CAMKK2: variants seen among roughly 807,000 people sequenced by gnomAD.
The protein encoded by CAMKK2 is calcium/calmodulin-dependent protein kinase kinase 2.
CAMKK2 carries 30 observed loss-of-function variants against 67.2 expected under a neutral mutation model. The observed-to-expected ratio is 0.45, with a 90% CI of 0.33 to 0.61. The LOEUF (loss-of-function observed/expected upper bound fraction) is 0.61. Among genes scored for constraint, CAMKK2 ranks in the 20% least tolerant of loss-of-function variants. The pLI is 0.02. For missense variants in CAMKK2, 643 were observed against 802.0 expected (o/e 0.80, Z 2.39); for synonymous variants, 322 against 326.2 (o/e 0.99, Z 0.14).
intron 1 of CAMKK2, among the ~76,000 whole-genome samples, chr12:121,283,962 C>A (rs1898248180): frequency 6.6e-6 from 1 of 152,246 alleles, no homozygotes; most frequent in Non-Finnish European, 1.5e-5. Flanking sequence ...TCCTGGCAAC[C>A]ACTCGCTGCA....
At position 121,253,609 on chromosome 12, in the gene CAMKK2, A is replaced by T. The variant is rs1349246547; in HGVS notation, c.908-137T>A. 2 of 726,062 alleles carry T rather than the reference A, an allele frequency of 2.8e-6. No individual in the cohort carries two copies. Among genetic ancestry groups the T allele is most frequent in the African/African-American group, 3.5e-5 (2 of 57,340 alleles). 45.0% of individuals were successfully genotyped at this position (726,062 alleles called of 1,614,324 possible). Reference sequence around the variant, plus strand: ...CTCCCACAGCCCCAGGCCTTTTCCAACCTTCCACTCCCCAAACCCGCTGGG... The same window carrying T: ...CTCCCACAGCCCCAGGCCTTTTCCATCCTTCCACTCCCCAAACCCGCTGGG... On this transcript the variant is annotated intron_variant, in intron 9 of 16. Transcript: ENST00000404169. The surrounding 1 kb of genome is among the most constrained non-coding windows in gnomAD (Gnocchi z 5.0).
intron 7 of CAMKK2, among the ~76,000 whole-genome samples, chr12:121,257,265 G>A (rs1489527938): frequency 9.6e-6 from 1 of 104,486 alleles, no homozygotes; most frequent in African/African-American, 3.8e-5. Context: ...TTTTTTTTTT[G>A]AAATGGAGTC....
upstream of CAMKK2, chr12:121,297,538 C>A (rs1901510016): frequency 2.0e-6 from 1 of 497,300 alleles, no homozygotes; most frequent in South Asian, 1.4e-5. Flanking sequence ...TTGGCACTTA[C>A]TTTGCTGGAG....
At chr12:121,249,213 T>C (rs1003941461) in intron 13 of CAMKK2, among the ~76,000 whole-genome samples, 2 of 152,192 alleles carry the variant, frequency 1.3e-5, no homozygotes, top group African/African-American at 4.8e-5. Context: ...AATCCATGAT[T>C]TTTTGGGCTG....
chr12:121,239,817 T>A lies in CAMKK2; in HGVS notation c.*882A>T, dbSNP rs1566021816. ...GTTTCTGAACTACTGTGCTCTAGAG[T>A]TCACTCTAGTTAGAGACTTGAAAAA... is the stretch of plus-strand genomic sequence containing the variant. On this transcript the variant is annotated 3_prime_UTR_variant, in exon 17 of 17. Coordinates refer to ENST00000404169, the MANE Select transcript of CAMKK2 (RefSeq NM_001270485.2). 2 of 152,634 alleles carry A rather than the reference T, an allele frequency of 1.3e-5. No individual in the cohort carries two copies. Among genetic ancestry groups the A allele is most frequent in the East Asian group, 3.9e-4 (2 of 5,194 alleles). The allele number at this position is 152,634 out of a possible 1,614,324, so 9.5% of individuals were successfully genotyped here.
intron 2 of CAMKK2, among the ~76,000 whole-genome samples, chr12:121,273,234 C>T (rs1896110147): frequency 6.6e-6 from 1 of 151,980 alleles, no homozygotes; most frequent in African/African-American, 2.4e-5. Context: ...GAGACTTGGA[C>T]ATTATCGGAA....
At chr12:121,248,969 G>A (rs1016581865) in intron 13 of CAMKK2, among the ~76,000 whole-genome samples, 3 of 152,250 alleles carry the variant, frequency 2.0e-5, no homozygotes, top group Non-Finnish European at 4.4e-5. Context: ...TTCTCCATCC[G>A]GCCCCGGGTC....
chr12:121,263,794 C>G lies in CAMKK2; in HGVS notation c.759+12G>C. On this transcript the variant is annotated intron_variant, in intron 6 of 16. Transcript: ENST00000404169. Reference sequence around the variant, plus strand: ...GGGCCTCCCTCCCTCCTGGGCGCCTCCACCCTTTTACCTCCACCAGCTTCA... The same window carrying G: ...GGGCCTCCCTCCCTCCTGGGCGCCTGCACCCTTTTACCTCCACCAGCTTCA... 6.3e-7 allele frequency: 1 copy of G among 1,598,078 alleles called. No individual in the cohort carries two copies. Among genetic ancestry groups the G allele is most frequent in the South Asian group, 1.1e-5 (1 of 90,026 alleles).
intron 16 of CAMKK2, chr12:121,244,273 C>A: frequency 1.2e-6 from 1 of 816,242 alleles, no homozygotes; most frequent in South Asian, 1.6e-5. Flanking sequence ...ACACCATTGA[C>A]GTGCACTGAG....
At position 121,274,535 on chromosome 12, in the gene CAMKK2, C is replaced by T. The variant is rs200973119; in HGVS notation, c.-9G>A. ...GAGACACATGATGACATGGTGCATG[C>T]GCCAGCTTCATCCAGCACACTGGGG... On this transcript the variant is annotated 5_prime_UTR_variant, in exon 2 of 17. Coordinates refer to ENST00000404169, the MANE Select transcript of CAMKK2 (RefSeq NM_001270485.2). The T allele has an allele frequency of 2.8e-5, 45 of 1,595,930 alleles. No homozygotes were observed. The highest frequency in any genetic ancestry group is 3.2e-5 in the Non-Finnish European group (37 of 1,171,094).
chr12:121,252,883 G>T (rs1891065831), intron 10 of CAMKK2, among the ~76,000 whole-genome samples, 169 bp from the exon 11 acceptor site: 1 of 152,130 alleles, frequency 6.6e-6, no homozygotes, highest in Non-Finnish European at 1.5e-5. Flanking sequence ...AGGCCAATGA[G>T]AGCACCACTA....
intron 6 of CAMKK2, among the ~76,000 whole-genome samples, chr12:121,261,479 C>A (rs1035439081): frequency 6.6e-6 from 1 of 152,162 alleles, no homozygotes; most frequent in Non-Finnish European, 1.5e-5. Context: ...AGACTAGTCC[C>A]CCTGATTCTT....
chr12:121,248,646 A>G lies in CAMKK2; in HGVS notation c.1412T>C (p.Val471Ala), dbSNP rs1890001904. ...GGGAATGTGTTTGACTGAGTTCTCG[A>G]CCTCCTCTTCAGTCACTTCGACCAG... Reference protein sequence around the residue: ...CTLVEVTEEEVENSVKHIPSL... With the variant: ...CTLVEVTEEEAENSVKHIPSL... Residue 471 changes from valine (V) to alanine (A), a missense_variant, in exon 14 of 17, where the codon GTC (valine) becomes GCC (alanine). Val to Ala is a moderately conservative substitution (Grantham distance 64, BLOSUM62 0). Transcript: ENST00000404169. 6.2e-7 allele frequency: 1 copy of G among 1,613,884 alleles called. No homozygotes were observed.
rs141475873 is a variant in CAMKK2, at chr12:121,278,120, C to T, written c.-59-3535G>A. 7.6e-3 allele frequency among the ~76,000 whole-genome samples: 1,152 copies of T among 152,190 alleles called. 10 individuals carry two copies. Among genetic ancestry groups the T allele is most frequent in the Middle Eastern group, 0.031 (9 of 294 alleles). ...TGGTCTTATCTCCTATTTCTCTGTC[C>T]CCCATTCCCCCTTACTGTATCTCAG... is the stretch of plus-strand genomic sequence containing the variant. On this transcript the variant is annotated intron_variant, in intron 1 of 16. Coordinates refer to ENST00000404169, the MANE Select transcript of CAMKK2 (RefSeq NM_001270485.2).
chr12:121,272,136 A>G (rs1315947631), intron 2 of CAMKK2, among the ~76,000 whole-genome samples: 1 of 152,214 alleles, frequency 6.6e-6, no homozygotes, highest in Non-Finnish European at 1.5e-5. Context: ...CCATTGTACC[A>G]GGCCTTGACA....
intron 11 of CAMKK2, among the ~76,000 whole-genome samples, chr12:121,252,289 A>AT (rs1566050052): frequency 6.6e-6 from 1 of 152,196 alleles, no homozygotes; most frequent in Non-Finnish European, 1.5e-5. Flanking sequence ...ATTTTTTGAG[A>AT]CGGAGTCTCG....
At chr12:121,276,688 C>T (rs182845204) in intron 1 of CAMKK2, among the ~76,000 whole-genome samples, 11 of 152,044 alleles carry the variant, frequency 7.2e-5, no homozygotes, top group Non-Finnish European at 1.6e-4. Context: ...TCTCTCTGGA[C>T]CATCCTGGCC....
At position 121,285,501 on chromosome 12, in the gene CAMKK2, TAA is replaced by T. The variant is rs1280350996; in HGVS notation, c.-59-10918_-59-10917del. Among the ~76,000 whole-genome samples the T allele has an allele frequency of 6.6e-6, 1 of 151,486 alleles. No individual in the cohort carries two copies. ...CTGGGCAACAGAGCAGGACCTTATC[TAA>T]AAAAGAAACAGAGTAGATGTGTGGG... On this transcript the variant is annotated intron_variant, in intron 1 of 16. Transcript: ENST00000404169. The surrounding 1 kb of genome is among the most constrained non-coding windows in gnomAD (Gnocchi z 4.1).
rs1363220001 is a variant in CAMKK2, at chr12:121,274,095, C to T, written c.432G>A (p.Pro144=). Residue 144 remains proline, a synonymous_variant, in exon 2 of 17, where the codon CCG becomes CCA. Coordinates refer to ENST00000404169, the MANE Select transcript of CAMKK2 (RefSeq NM_001270485.2). ...PQSSPRLPRR[P]TVESHHVSIT... Reference sequence around the variant, plus strand: ...TGGAGACGTGGTGAGACTCCACTGTCGGCCGCCGGGGCAGCCGAGGCGAGG... The same window carrying T: ...TGGAGACGTGGTGAGACTCCACTGTTGGCCGCCGGGGCAGCCGAGGCGAGG... The T allele has an allele frequency of 5.9e-6, 9 of 1,529,816 alleles. No homozygotes were observed. The highest frequency in any genetic ancestry group is 1.8e-4 in the Middle Eastern group (1 of 5,542). The allele number at this position is 1,529,816 out of a possible 1,614,324, so 94.8% of individuals were successfully genotyped here.
Sources: gnomAD v4.1 joint callset for allele counts (sites outside exome capture counted in the v4.1 genomes callset) on GRCh38, gnomAD v4.1.1 for gene constraint, Gnocchi (gnomAD v3.1) non-coding constraint, MANE v1.5 for transcripts, NCBI Gene and HGNC (gene_info 2026-07-23, HGNC 2026-07-21) for gene names.